The following BNC2 variants were observed in gnomAD, a reference collection of about 807,000 sequenced individuals.
BNC2 encodes the protein basonuclin zinc finger protein 2, also known as zinc finger protein basonuclin-2.
Under a neutral mutation model 76.3 loss-of-function variants are expected in BNC2, and 20 were observed. That is an observed-to-expected ratio of 0.26 (90% confidence interval 0.18 to 0.38). The LOEUF is 0.38. Ranked by LOEUF, BNC2 falls within the 10% of genes least tolerant of loss-of-function variation. BNC2 has a pLI of 1.00. For missense variants in BNC2, 1,382 were observed against 1,399.8 expected (o/e 0.99, Z 0.20); for synonymous variants, 582 against 514.8 (o/e 1.13, Z -1.77).
chr9:16,761,330 G>C (rs1825546645), intron 1 of BNC2, among the ~76,000 whole-genome samples: 1 of 152,176 alleles, frequency 6.6e-6, no homozygotes, highest in Non-Finnish European at 1.5e-5. Flanking sequence ...GGTAGCAATA[G>C]TTAGCTGCAA....
chr9:16,779,675 G>C (rs1333308771), intron 1 of BNC2, among the ~76,000 whole-genome samples: 1 of 152,182 alleles, frequency 6.6e-6, no homozygotes, highest in Non-Finnish European at 1.5e-5. Flanking sequence ...ATAAAATATT[G>C]ATATATGGCA....
intron 5 of BNC2, among the ~76,000 whole-genome samples, chr9:16,503,760 TATGGATATACAAACTACAAATC>T (rs1417102159): frequency 1.3e-5 from 2 of 152,190 alleles, no homozygotes; most frequent in Non-Finnish European, 2.9e-5. Context: ...TATAAATATA[TATGGATATACAAACTACAAATC>T]AATAACACCT....
chr9:16,796,876 T>C (rs1817668915), intron 1 of BNC2, among the ~76,000 whole-genome samples: 1 of 152,200 alleles, frequency 6.6e-6, no homozygotes, highest in South Asian at 2.1e-4. Context: ...TGGGTCTCTG[T>C]ACAAGGTCAA....
chr9:16,768,897 G>A (rs1764602124), intron 1 of BNC2, among the ~76,000 whole-genome samples: 1 of 152,166 alleles, frequency 6.6e-6, no homozygotes, highest in African/African-American at 2.4e-5. Context: ...AAGACAGAAA[G>A]CAGAGCAGGA....
chr9:16,453,087 T>C (rs1821376278), intron 5 of BNC2, among the ~76,000 whole-genome samples: 1 of 152,104 alleles, frequency 6.6e-6, no homozygotes, highest in African/African-American at 2.4e-5. Context: ...AAAGTAACTA[T>C]CTGGTAGAGC....
At position 16,698,347 on chromosome 9, in the gene BNC2, G is replaced by T. The variant is rs1823400361; in HGVS notation, c.330+29450C>A. Among the ~76,000 whole-genome samples, 3 of 151,468 alleles carry T rather than the reference G, an allele frequency of 2.0e-5. No homozygotes were observed. The South Asian group carries it at 6.3e-4, about 32-fold the overall frequency. ...TAAAAAAAAAAAATCCACAAACCAA[G>T]AACTCATTAAATAAACTATGATACA... On this transcript the variant is annotated intron_variant, in intron 3 of 6. Transcript: ENST00000380672.
intron 1 of BNC2, among the ~76,000 whole-genome samples, chr9:16,809,224 C>CA (rs1313442643): frequency 1.3e-5 from 2 of 152,092 alleles, no homozygotes; most frequent in Non-Finnish European, 2.9e-5. Context: ...GAACTGTTGA[C>CA]AATGAGATAA....
At chr9:16,421,060 G>A (rs563025189) in intron 6 of BNC2, among the ~76,000 whole-genome samples, 107 of 152,296 alleles carry the variant, frequency 7.0e-4, no homozygotes, top group African/African-American at 2.4e-3. Flanking sequence ...TTAAAAGTAT[G>A]GAAGACCAAA....
At chr9:16,805,885 A>G (rs1172823528) in intron 1 of BNC2, among the ~76,000 whole-genome samples, 4 of 152,320 alleles carry the variant, frequency 2.6e-5, no homozygotes, top group Middle Eastern at 3.4e-3. Context: ...ACATTAAGAT[A>G]TATTTTACCT....
At chr9:16,653,655 T>C (rs573705798) in intron 3 of BNC2, among the ~76,000 whole-genome samples, 32 of 152,224 alleles carry the variant, frequency 2.1e-4, no homozygotes, top group African/African-American at 6.7e-4. Flanking sequence ...CATTGGCATA[T>C]CTTGCCTAGG....
intron 1 of BNC2, among the ~76,000 whole-genome samples, chr9:16,828,559 C>CCAG (rs1327260022): frequency 2.0e-5 from 3 of 152,158 alleles, no homozygotes; most frequent in Non-Finnish European, 2.9e-5. Context: ...AGACAGCAGA[C>CCAG]TACGGTCCCA....
intron 3 of BNC2, among the ~76,000 whole-genome samples, chr9:16,655,711 C>T (rs1473599930): frequency 6.6e-6 from 1 of 152,164 alleles, no homozygotes; most frequent in Non-Finnish European, 1.5e-5. Context: ...TCCTTGAATT[C>T]ACTTATTACA....
At chr9:16,849,928 CACAA>C (rs1454158270) in intron 1 of BNC2, among the ~76,000 whole-genome samples, 1 of 152,014 alleles carries the variant, frequency 6.6e-6, no homozygotes, top group African/African-American at 2.4e-5. Context: ...AAGGCTGTCC[CACAA>C]ACAGTGTTAT....
intron 1 of BNC2, among the ~76,000 whole-genome samples, chr9:16,813,305 G>A (rs898244886): frequency 1.1e-4 from 16 of 150,468 alleles, no homozygotes; most frequent in East Asian, 5.9e-4. Context: ...TGGCTCTGTC[G>A]CCCAGGCTGG....
chr9:16,504,354 TC>T (rs1822582002), intron 5 of BNC2, among the ~76,000 whole-genome samples: 8 of 150,360 alleles, frequency 5.3e-5, no homozygotes, highest in Admixed American at 1.3e-4. Context: ...TATTCCAGAA[TC>T]CAAGTCCACA....
At chr9:16,509,894 T>C (rs928846310) in intron 5 of BNC2, among the ~76,000 whole-genome samples, 1 of 152,212 alleles carries the variant, frequency 6.6e-6, no homozygotes, top group African/African-American at 2.4e-5. Context: ...TTAGCTGACA[T>C]GGTTCTCTGT....
chr9:16,525,395 C>T (rs753274665), intron 5 of BNC2, among the ~76,000 whole-genome samples: 2 of 151,730 alleles, frequency 1.3e-5, no homozygotes, highest in South Asian at 4.2e-4. Context: ...CAAAAAGGTG[C>T]TAAAAATGAA....
At chr9:16,652,313 T>A (rs945512145) in intron 3 of BNC2, among the ~76,000 whole-genome samples, 6 of 152,226 alleles carry the variant, frequency 3.9e-5, no homozygotes, top group African/African-American at 1.2e-4. Flanking sequence ...GATCTCATAC[T>A]ATAAAAACAA....
chr9:16,747,016 A>G (rs998830970), intron 1 of BNC2, among the ~76,000 whole-genome samples: 2 of 152,120 alleles, frequency 1.3e-5, no homozygotes, highest in African/African-American at 2.4e-5. Flanking sequence ...TTTCCACCTA[A>G]CAGATATTAA....
Sources: allele counts gnomAD v4.1 joint callset (sites outside exome capture counted in the v4.1 genomes callset), GRCh38; gene constraint gnomAD v4.1.1; transcripts MANE v1.5; gene names NCBI Gene and HGNC (gene_info 2026-07-23, HGNC 2026-07-21).